The following CCDC148 variants were observed in gnomAD, a reference collection of about 807,000 sequenced individuals.
The protein encoded by CCDC148 is coiled-coil domain containing 148.
A neutral mutation model predicts 85.7 loss-of-function variants in CCDC148; 89 were observed. That is an observed-to-expected ratio of 1.04 (90% confidence interval 0.87 to 1.24). CCDC148 has a LOEUF of 1.24. Among genes scored for constraint, CCDC148 ranks in the 50% most tolerant of loss-of-function variants. The probability of loss-of-function intolerance (pLI) is 0.00; values close to 1 mark genes in which losing one functional copy is unlikely to be tolerated. For synonymous variants in CCDC148, 230 were observed against 213.9 expected (o/e 1.08, Z -0.66); for missense variants, 692 against 671.7 (o/e 1.03, Z -0.33).
chr2:158,379,514 G>C (rs1196872104), intron 1 of CCDC148, among the ~76,000 whole-genome samples: 2 of 152,144 alleles, frequency 1.3e-5, no homozygotes, highest in Non-Finnish European at 2.9e-5. Context: ...AAGTTCTATG[G>C]TGCGTAAAAT....
At chr2:158,393,417 G>A (rs141605101) in intron 1 of CCDC148, 2 of 152,250 alleles carry the variant, frequency 1.3e-5, no homozygotes, top group Non-Finnish European at 2.9e-5. Flanking sequence ...AGAAAGATAG[G>A]ACAGGTGATG....
chr2:158,337,238 G>T (rs1025063354), intron 7 of CCDC148, among the ~76,000 whole-genome samples: 1 of 152,144 alleles, frequency 6.6e-6, no homozygotes, highest in African/African-American at 2.4e-5. Flanking sequence ...ATCTCAGCCA[G>T]CTTTCTCAGG....
intron 9 of CCDC148, among the ~76,000 whole-genome samples, chr2:158,297,679 A>C (rs1019481288): frequency 7.2e-5 from 11 of 152,180 alleles, no homozygotes; most frequent in Non-Finnish European, 1.5e-4. Flanking sequence ...AAGCTCATAA[A>C]ATCTGTGGAG....
At chr2:158,321,209 A>G (rs562452697) in intron 7 of CCDC148, among the ~76,000 whole-genome samples, 107 of 152,274 alleles carry the variant, frequency 7.0e-4, no homozygotes, top group African/African-American at 2.6e-3. Flanking sequence ...AGTTATTATG[A>G]ATGATGTATT....
intron 8 of CCDC148, among the ~76,000 whole-genome samples, chr2:158,310,665 G>A (rs1160537698): frequency 2.0e-5 from 3 of 147,668 alleles, no homozygotes; most frequent in East Asian, 2.1e-4. Context: ...AGGCAGAGGC[G>A]CTCCTCACTT....
chr2:158,220,704 AT>A lies in CCDC148; in HGVS notation c.1260del (p.Lys420AsnfsTer15), dbSNP rs761447262. 2 of 1,576,320 alleles carry A rather than the reference AT, an allele frequency of 1.3e-6. No homozygotes were observed. Among genetic ancestry groups the A allele is most frequent in the Non-Finnish European group, 8.6e-7 (1 of 1,167,558 alleles). ...QRAEKKKKIK[K>X]YWAKKKQKWQ... is the part of the protein sequence containing the mutation. ...CACTTCTGTTTTTTCTTGGCCCAGTATTTTTTTATCTATTGTATAAATGTTA... is the reference window on the plus strand; with the variant it reads ...CACTTCTGTTTTTTCTTGGCCCAGTATTTTTTATCTATTGTATAAATGTTA... On this transcript the variant is annotated frameshift_variant, in exon 11 of 14. Transcript: ENST00000283233. LOFTEE classifies it high-confidence loss of function.
intron 7 of CCDC148, among the ~76,000 whole-genome samples, chr2:158,335,828 G>A (rs1271955249): frequency 6.6e-6 from 1 of 152,094 alleles, no homozygotes; most frequent in Non-Finnish European, 1.5e-5. Context: ...GCTAGTCACT[G>A]TGACCTGGGA....
At chr2:158,360,265 C>A (rs13385876) in intron 1 of CCDC148, among the ~76,000 whole-genome samples, 27,051 of 152,134 alleles carry the variant, frequency 0.18, 3,950 homozygotes, top group African/African-American at 0.4. Flanking sequence ...CAAACTTAGA[C>A]GTCCCTGCCT....
intron 1 of CCDC148, among the ~76,000 whole-genome samples, chr2:158,443,974 TAC>T (rs1688054696): frequency 6.6e-6 from 1 of 152,310 alleles, no homozygotes; most frequent in African/African-American, 2.4e-5. Flanking sequence ...AAAAAATAAT[TAC>T]AGTGTACCCA....
At chr2:158,445,587 GA>G (rs1688125529) in intron 1 of CCDC148, among the ~76,000 whole-genome samples, 1 of 151,722 alleles carries the variant, frequency 6.6e-6, no homozygotes, top group Non-Finnish European at 1.5e-5. Context: ...AGACAGAAGA[GA>G]AAAAACTAAA....
chr2:158,406,635 T>TGTTTTTGTTTTTG (rs377228320), intron 1 of CCDC148, among the ~76,000 whole-genome samples: 7 of 125,988 alleles, frequency 5.6e-5, no homozygotes, highest in African/African-American at 8.3e-5. Context: ...TTTTTTTTTT[T>TGTTTTTGTTTTTG]TTTTTGAGAC....
chr2:158,380,680 A>G (rs1684834051), intron 1 of CCDC148: 1 of 152,194 alleles, frequency 6.6e-6, no homozygotes, highest in Non-Finnish European at 1.5e-5. Context: ...CTTGATGAAA[A>G]GAGTAAAGCT....
At chr2:158,300,444 G>C (rs972862116) in intron 9 of CCDC148, among the ~76,000 whole-genome samples, 3 of 152,306 alleles carry the variant, frequency 2.0e-5, no homozygotes, top group African/African-American at 7.2e-5. Flanking sequence ...AGGCGAGCCA[G>C]AGTTATGTAC....
chr2:158,351,721 A>G (rs1459268350), intron 2 of CCDC148, among the ~76,000 whole-genome samples: 2 of 152,012 alleles, frequency 1.3e-5, no homozygotes, highest in Non-Finnish European at 2.9e-5. Context: ...GGCGGAGCCC[A>G]CCACAGCTCA....
intron 1 of CCDC148, among the ~76,000 whole-genome samples, chr2:158,409,314 T>A (rs1428181790): frequency 2.6e-5 from 4 of 152,140 alleles, no homozygotes; most frequent in Non-Finnish European, 5.9e-5. Context: ...CGACAGCCCA[T>A]GAAAGCAGCC....
At chr2:158,400,574 T>C (rs1054426013) in intron 1 of CCDC148, among the ~76,000 whole-genome samples, 6 of 152,104 alleles carry the variant, frequency 3.9e-5, no homozygotes, top group African/African-American at 1.2e-4. Flanking sequence ...GGATTAAAGA[T>C]TTAAATGTTA....
At position 158,340,364 on chromosome 2, in the gene CCDC148, A is replaced by G. The variant is rs757742645; in HGVS notation, c.364T>C (p.Tyr122His). Residue 122 changes from tyrosine (Y) to histidine (H), a missense_variant, in exon 5 of 14, where the codon TAT becomes CAT. By Grantham distance (83) the Tyr-to-His change is moderately conservative. Transcript: ENST00000283233. ...ATAGGATTTATTACATTTTTAAGATATGTGCACTGTTGTTCTGATAGCTCT... is the reference window on the plus strand; with the variant it reads ...ATAGGATTTATTACATTTTTAAGATGTGTGCACTGTTGTTCTGATAGCTCT... ...EQELSEQQCT[Y>H]LKNVINPIQQ... 1.2e-5 allele frequency: 19 copies of G among 1,613,784 alleles called. No homozygotes were observed. The highest frequency in any genetic ancestry group is 1.4e-5 in the Non-Finnish European group (17 of 1,179,924).
chr2:158,364,156 A>G (rs1302397668), intron 1 of CCDC148, among the ~76,000 whole-genome samples: 2 of 152,232 alleles, frequency 1.3e-5, no homozygotes. Flanking sequence ...CAAGGAAGTA[A>G]GAGAGGACAC....
chr2:158,250,510 CTTT>C (rs11338184), intron 10 of CCDC148, among the ~76,000 whole-genome samples: 67 of 145,332 alleles, frequency 4.6e-4, no homozygotes, highest in Non-Finnish European at 4.3e-4. Flanking sequence ...ACAACCTTGT[CTTT>C]TTTTTTTTTT....
Sources: gnomAD v4.1 joint callset for allele counts (sites outside exome capture counted in the v4.1 genomes callset) on GRCh38, gnomAD v4.1.1 for gene constraint, MANE v1.5 for transcripts, NCBI Gene and HGNC (gene_info 2026-07-23, HGNC 2026-07-21) for gene names.